Variants in KCNMA1 observed in about 807,000 individuals in gnomAD.
KCNMA1 encodes potassium calcium-activated channel subfamily M alpha 1, also known as Calcium-activated potassium channel subunit alpha-1.
A neutral mutation model predicts 140.0 loss-of-function variants in KCNMA1; 29 were observed. The observed-to-expected ratio is 0.21, with a 90% CI of 0.15 to 0.28. The LOEUF is 0.28. Among genes scored for constraint, KCNMA1 ranks in the 10% least tolerant of loss-of-function variants. KCNMA1 has a pLI of 1.00. For missense variants in KCNMA1, 880 were observed against 1,602.2 expected (o/e 0.55, Z 7.70); for synonymous variants, 612 against 611.9 (o/e 1.00, Z 0.00).
intron 1 of KCNMA1, among the ~76,000 whole-genome samples, chr10:77,430,945 G>T (rs762051576): frequency 1.3e-5 from 2 of 152,120 alleles, no homozygotes; most frequent in Admixed American, 6.5e-5. Context: ...ACACAATAAA[G>T]CCTCCCCAAT....
chr10:77,573,629 AATGGAATGGAATG>A lies in KCNMA1; in HGVS notation c.378+63623_378+63635del, dbSNP rs2072688848. Among the ~76,000 whole-genome samples, 11 of 89,242 alleles carry A rather than the reference AATGGAATGGAATG, an allele frequency of 1.2e-4. 1 individual carries two copies. Among genetic ancestry groups the A allele is most frequent in the African/African-American group, 4.8e-4 (10 of 20,636 alleles). The allele number at this position is 89,242 out of a possible 152,430, so 58.5% of individuals were successfully genotyped here. ...AAGAAAATGGAATGGAATGGAATGG[AATGGAATGGAATG>A]GAATAGAATAGAATAGAATAGAATA... On this transcript the variant is annotated intron_variant, in intron 1 of 27. Coordinates refer to ENST00000286628, the MANE Select transcript of KCNMA1 (RefSeq NM_001161352.2).
intron 25 of KCNMA1, among the ~76,000 whole-genome samples, chr10:76,900,963 T>G (rs1452980444): frequency 2.0e-5 from 3 of 151,412 alleles, no homozygotes; most frequent in Admixed American, 1.3e-4. Context: ...AAGATTTATG[T>G]ACAATAATTT....
At chr10:76,981,955 A>C (rs1227657210) in intron 19 of KCNMA1, among the ~76,000 whole-genome samples, 7 of 152,152 alleles carry the variant, frequency 4.6e-5, no homozygotes, top group Non-Finnish European at 8.8e-5. Context: ...AGCACAGCTT[A>C]GTGATCAGGA....
intron 13 of KCNMA1, among the ~76,000 whole-genome samples, chr10:77,074,552 T>C (rs2096324208): frequency 6.6e-6 from 1 of 152,236 alleles, no homozygotes; most frequent in South Asian, 2.1e-4. Context: ...ATCTGAATAC[T>C]TCAGGTGCTG....
chr10:77,097,702 A>T (rs919977969), intron 9 of KCNMA1, among the ~76,000 whole-genome samples: 2 of 152,212 alleles, frequency 1.3e-5, no homozygotes, highest in African/African-American at 2.4e-5. Flanking sequence ...TGTTAAAATA[A>T]TTTTTTTAAA....
intron 3 of KCNMA1, among the ~76,000 whole-genome samples, chr10:77,201,930 A>C (rs1169302316): frequency 6.6e-6 from 1 of 152,234 alleles, no homozygotes; most frequent in African/African-American, 2.4e-5. Flanking sequence ...ATGCATGCCT[A>C]TGTAGCATAT....
chr10:77,245,113 G>C (rs944744338), intron 3 of KCNMA1, among the ~76,000 whole-genome samples: 5 of 152,090 alleles, frequency 3.3e-5, no homozygotes, highest in African/African-American at 1.2e-4. Flanking sequence ...TGCACACAGT[G>C]ATTTGTGTTG....
At chr10:77,415,260 A>G (rs2096715027) in intron 1 of KCNMA1, among the ~76,000 whole-genome samples, 1 of 152,246 alleles carries the variant, frequency 6.6e-6, no homozygotes, top group Non-Finnish European at 1.5e-5. Flanking sequence ...TATTTGTAAA[A>G]TAACAATCTC....
chr10:77,317,628 A>G (rs1486947435), intron 2 of KCNMA1, among the ~76,000 whole-genome samples: 1 of 152,208 alleles, frequency 6.6e-6, no homozygotes, highest in East Asian at 1.9e-4. Context: ...GCCCATTTTC[A>G]TCTTATATTT....
rs2097239423 is a variant in KCNMA1, at chr10:77,108,266, T to C, written c.1223+215A>G. The C allele has an allele frequency of 6.9e-7, 1 of 1,455,312 alleles. No individual in the cohort carries two copies. The highest frequency in any genetic ancestry group is 1.4e-5 in the African/African-American group (1 of 70,214). The allele number at this position is 1,455,312 out of a possible 1,614,324, so 90.1% of individuals were successfully genotyped here. A position where few individuals can be genotyped will look rare whatever the true frequency, so the allele number is the denominator to read the frequency against. ...CCTGAAAGTCACTCAACCACATCTTTTCTGATGCAACTGACTTACTTTCTG... is the reference window on the plus strand; with the variant it reads ...CCTGAAAGTCACTCAACCACATCTTCTCTGATGCAACTGACTTACTTTCTG... On this transcript the variant is annotated intron_variant, in intron 9 of 27. Coordinates refer to ENST00000286628, the MANE Select transcript of KCNMA1 (RefSeq NM_001161352.2). The surrounding 1 kb of genome is among the most constrained non-coding windows in gnomAD (Gnocchi z 4.6).
intron 1 of KCNMA1, among the ~76,000 whole-genome samples, chr10:77,617,304 G>A (rs898374050): frequency 5.3e-5 from 8 of 152,218 alleles, no homozygotes; most frequent in South Asian, 2.1e-4. Context: ...AAAGAGCCAC[G>A]CCAGGTAAGA....
chr10:77,538,024 G>A (rs1050085745), intron 1 of KCNMA1, among the ~76,000 whole-genome samples: 3 of 151,092 alleles, frequency 2.0e-5, no homozygotes, highest in Non-Finnish European at 3.0e-5. Context: ...TACTCTACAC[G>A]TACTCTCACA....
Position 77,068,624 on chromosome 10 carries a change from C to A in KCNMA1, c.1749+4473G>T, listed in dbSNP as rs544943264. 1.0e-3 allele frequency among the ~76,000 whole-genome samples: 156 copies of A among 150,982 alleles called. 2 individuals carry two copies. Among genetic ancestry groups the A allele is most frequent in the Middle Eastern group, 6.8e-3 (2 of 294 alleles). ...AAAAAACAACACTAGAAATACATAACATATTTTCTTCATTCTCAAAACTGA... is the reference window on the plus strand; with the variant it reads ...AAAAAACAACACTAGAAATACATAAAATATTTTCTTCATTCTCAAAACTGA... On this transcript the variant is annotated intron_variant, in intron 14 of 27. Transcript: ENST00000286628.
intron 1 of KCNMA1, among the ~76,000 whole-genome samples, chr10:77,434,779 G>A (rs964110249): frequency 6.6e-6 from 1 of 152,130 alleles, no homozygotes; most frequent in Non-Finnish European, 1.5e-5. Flanking sequence ...TCACTGGTGG[G>A]GTCAGAAATG....
chr10:76,898,223 T>C (rs2043468498), intron 25 of KCNMA1, among the ~76,000 whole-genome samples: 2 of 151,892 alleles, frequency 1.3e-5, no homozygotes, highest in Non-Finnish European at 2.9e-5. Context: ...AGAAAAAAAG[T>C]ATAGCTTCAA....
At chr10:77,364,531 C>G (rs529466074) in intron 2 of KCNMA1, among the ~76,000 whole-genome samples, 8 of 152,296 alleles carry the variant, frequency 5.3e-5, no homozygotes, top group Non-Finnish European at 8.8e-5. Flanking sequence ...CTTACATTAA[C>G]TCATTTATAT....
intron 1 of KCNMA1, among the ~76,000 whole-genome samples, chr10:77,501,341 ACT>A (rs1200552846): frequency 3.3e-5 from 5 of 152,124 alleles, no homozygotes; most frequent in Non-Finnish European, 7.4e-5. Context: ...CTCCAGCCCC[ACT>A]GCTCTCCTGC....
intron 1 of KCNMA1, among the ~76,000 whole-genome samples, chr10:77,512,611 C>T (rs536838092): frequency 1.3e-5 from 2 of 152,114 alleles, no homozygotes; most frequent in South Asian, 2.1e-4. Flanking sequence ...TATTTGGAGA[C>T]AGGGTCTTTA....
chr10:77,328,850 TG>T (rs1295762644), intron 2 of KCNMA1, among the ~76,000 whole-genome samples: 1 of 152,164 alleles, frequency 6.6e-6, no homozygotes, highest in African/African-American at 2.4e-5. Context: ...TGTTTTATTT[TG>T]TTTTTTTAAG....
Sources: allele counts gnomAD v4.1 joint callset (sites outside exome capture counted in the v4.1 genomes callset), GRCh38; gene constraint gnomAD v4.1.1; non-coding constraint Gnocchi (gnomAD v3.1); transcripts MANE v1.5; gene names NCBI Gene and HGNC (gene_info 2026-07-23, HGNC 2026-07-21).